The following DLGAP2 variants were observed in gnomAD, a reference collection of about 807,000 sequenced individuals.
DLGAP2 encodes the protein disks large-associated protein 2.
In DLGAP2, 26 loss-of-function variants were observed where a neutral mutation model predicts 100.3. That is an observed-to-expected ratio of 0.26 (90% CI 0.19 to 0.36). The LOEUF is 0.36. Ranked by LOEUF, DLGAP2 falls within the 10% of genes least tolerant of loss-of-function variation. DLGAP2 has a pLI of 1.00. For synonymous variants in DLGAP2, 886 were observed against 630.1 expected, an observed-to-expected ratio of 1.41 and a Z score of -6.08; for missense variants, 1,858 against 1,453.2, an observed-to-expected ratio of 1.28 and a Z score of -4.53.
chr8:1,369,592 G>C (rs112528108), intron 3 of DLGAP2: 1 of 151,112 alleles, frequency 6.6e-6, no homozygotes. Context: ...GTATCTTACA[G>C]GACGTCCCAT....
chr8:997,768 C>T (rs1318091734), intron 2 of DLGAP2, among the ~76,000 whole-genome samples: 3 of 152,186 alleles, frequency 2.0e-5, no homozygotes, highest in Non-Finnish European at 2.9e-5. Context: ...TGCGTTTTCT[C>T]GTGCATTTTC....
intron 3 of DLGAP2, among the ~76,000 whole-genome samples, chr8:1,352,512 A>T (rs1012904264): frequency 6.6e-6 from 1 of 152,194 alleles, no homozygotes; most frequent in African/African-American, 2.4e-5. Context: ...AGACGTCTTA[A>T]GTGCCACCAT....
chr8:1,196,621 C>T (rs991416953), intron 2 of DLGAP2, among the ~76,000 whole-genome samples: 20 of 152,098 alleles, frequency 1.3e-4, no homozygotes, highest in Admixed American at 1.2e-3. Flanking sequence ...ATCTGCAGGT[C>T]GAGGGGGGTA....
intron 3 of DLGAP2, among the ~76,000 whole-genome samples, chr8:1,288,548 G>A (rs1799989923): frequency 2.0e-5 from 1 of 49,202 alleles, no homozygotes; most frequent in African/African-American, 1.5e-4. Context: ...GAGTGTGTGT[G>A]TGTGTGTGTG....
intron 3 of DLGAP2, among the ~76,000 whole-genome samples, chr8:1,500,750 C>G (rs572629249): frequency 6.6e-6 from 1 of 152,364 alleles, no homozygotes; most frequent in South Asian, 2.1e-4. Context: ...GTGATGTCTG[C>G]TTTTGTGTTA....
At chr8:1,191,033 C>T (rs1252178744) in intron 2 of DLGAP2, among the ~76,000 whole-genome samples, 5 of 152,140 alleles carry the variant, frequency 3.3e-5, no homozygotes, top group Non-Finnish European at 5.9e-5. Context: ...TCCAGCAGGT[C>T]CAGGATGACC....
chr8:1,364,629 G>C (rs531264390), intron 3 of DLGAP2, among the ~76,000 whole-genome samples: 2 of 152,370 alleles, frequency 1.3e-5, no homozygotes, highest in East Asian at 1.9e-4. Context: ...GGTTCTGTCA[G>C]TGACACAGAT....
At chr8:1,683,877 TGTGTG>T (rs1799031961) in intron 12 of DLGAP2, among the ~76,000 whole-genome samples, 1 of 118,792 alleles carries the variant, frequency 8.4e-6, no homozygotes, top group Non-Finnish European at 1.7e-5. Flanking sequence ...TGTGTGTGTG[TGTGTG>T]TGTGTGTGTG....
intron 2 of DLGAP2, among the ~76,000 whole-genome samples, chr8:1,116,341 C>T (rs1441104010): frequency 3.9e-5 from 6 of 152,140 alleles, no homozygotes; most frequent in South Asian, 2.1e-4. Flanking sequence ...GAAGAGTGAG[C>T]GGTTGATGCC....
chr8:1,617,421 G>C (rs1797192300), intron 6 of DLGAP2, among the ~76,000 whole-genome samples: 1 of 152,172 alleles, frequency 6.6e-6, no homozygotes. Context: ...TAGCCATTCT[G>C]ATGGGTGTGA....
At chr8:1,422,530 A>G (rs922417460) in intron 3 of DLGAP2, among the ~76,000 whole-genome samples, 1 of 151,462 alleles carries the variant, frequency 6.6e-6, no homozygotes, top group African/African-American at 2.4e-5. Context: ...ATGAAGGCAG[A>G]AGAGTGTTTG....
chr8:1,171,984 G>GTC (rs1797138718), intron 2 of DLGAP2, among the ~76,000 whole-genome samples: 1 of 152,088 alleles, frequency 6.6e-6, no homozygotes, highest in South Asian at 2.1e-4. Flanking sequence ...AGTCTGGATG[G>GTC]TCTTTACATT....
At chr8:1,656,268 C>T (rs923286047) in intron 8 of DLGAP2, among the ~76,000 whole-genome samples, 8 of 152,014 alleles carry the variant, frequency 5.3e-5, no homozygotes, top group Admixed American at 5.2e-4. Flanking sequence ...TGAGATCGTG[C>T]CACTGCATTC....
Position 1,258,900 on chromosome 8 carries a change from C to A in DLGAP2, c.106+17C>A. 8.1e-7 allele frequency: 1 copy of A among 1,231,772 alleles called. No homozygotes were observed. The highest frequency in any genetic ancestry group is 1.5e-5 in the African/African-American group (1 of 64,556). 76.3% of individuals were successfully genotyped at this position (1,231,772 alleles called of 1,614,324 possible). On this transcript the variant is annotated intron_variant, in intron 3 of 14. Transcript: ENST00000637795. ...AGCCGGAAGGTGAGTACCTGACATG[C>A]TGCCTGGGGTGGGCGGGGGCCGCGC...
chr8:873,821 A>G (rs1200503038), intron 1 of DLGAP2, among the ~76,000 whole-genome samples: 3 of 152,202 alleles, frequency 2.0e-5, no homozygotes, highest in East Asian at 3.9e-4. Flanking sequence ...TTGATTTGGC[A>G]GAATTCAGTA....
chr8:1,491,833 G>A lies in DLGAP2; in HGVS notation c.107-9533G>A, dbSNP rs141047731. 5.6e-3 allele frequency among the ~76,000 whole-genome samples: 858 copies of A among 152,244 alleles called. 4 individuals carry two copies. Among genetic ancestry groups the A allele is most frequent in the African/African-American group, 0.019 (770 of 41,540 alleles). On this transcript the variant is annotated intron_variant, in intron 3 of 14. Transcript: ENST00000637795. ...AGAAAAAATGCAAAGTTAAGTGTAC[G>A]TTGCTGTTAGTCATAACTGAATTCC...
intron 3 of DLGAP2, among the ~76,000 whole-genome samples, chr8:1,467,025 T>G (rs1798645465): frequency 6.8e-6 from 1 of 147,390 alleles, no homozygotes; most frequent in Non-Finnish European, 1.5e-5. Flanking sequence ...GGGGGGGATG[T>G]GGGCAGATGG....
intron 2 of DLGAP2, among the ~76,000 whole-genome samples, chr8:1,132,516 T>C (rs1205511905): frequency 6.6e-6 from 1 of 152,240 alleles, no homozygotes; most frequent in African/African-American, 2.4e-5. Context: ...CTGGTAGTTT[T>C]TCTTGGCAAC....
intron 1 of DLGAP2, among the ~76,000 whole-genome samples, chr8:900,999 A>T (rs780312917): frequency 1.3e-5 from 2 of 152,246 alleles, no homozygotes; most frequent in African/African-American, 2.4e-5. Context: ...TTAAAAGACA[A>T]GTCGGGGTAG....
Sources: allele counts gnomAD v4.1 joint callset (sites outside exome capture counted in the v4.1 genomes callset), GRCh38; gene constraint gnomAD v4.1.1; transcripts MANE v1.5; gene names NCBI Gene and HGNC (gene_info 2026-07-23, HGNC 2026-07-21).